Variants in GSE1 observed in about 807,000 individuals in gnomAD.
GSE1 encodes the protein genetic suppressor element 1.
GSE1 carries 32 observed loss-of-function variants against 112.6 expected under a neutral mutation model. The ratio of observed to expected loss-of-function variants is 0.28; its 90% CI spans 0.21 to 0.38. The LOEUF (loss-of-function observed/expected upper bound fraction) is 0.38, where lower values mean the gene tolerates loss of function less well. Ranked by LOEUF, GSE1 falls within the 10% of genes least tolerant of loss-of-function variation. The pLI, the probability that GSE1 is intolerant of heterozygous loss-of-function variation, is 1.00. For missense variants in GSE1, 2,348 were observed against 1,699.2 expected (o/e 1.38, Z -6.71); for synonymous variants, 1,115 against 735.6 (o/e 1.52, Z -8.35).
intron 1 of GSE1, among the ~76,000 whole-genome samples, chr16:85,233,496 G>A (rs893226769): frequency 6.6e-6 from 1 of 152,216 alleles, no homozygotes; most frequent in African/African-American, 2.4e-5. Context: ...AGCTGCATAT[G>A]CACACATGTG....
intron 1 of GSE1, among the ~76,000 whole-genome samples, chr16:85,303,317 C>T (rs1288991089): frequency 1.3e-5 from 2 of 152,220 alleles, no homozygotes; most frequent in Non-Finnish European, 2.9e-5. Flanking sequence ...GAGGTCAGGG[C>T]ACACCCTGGA....
At chr16:85,418,789 A>G (rs946747909) in intron 2 of GSE1, among the ~76,000 whole-genome samples, 2 of 152,238 alleles carry the variant, frequency 1.3e-5, no homozygotes, top group African/African-American at 4.8e-5. Context: ...GGATCCAGGC[A>G]GGACCAGGGT....
At chr16:85,238,526 G>A (rs1376128371) in intron 1 of GSE1, among the ~76,000 whole-genome samples, 1 of 152,144 alleles carries the variant, frequency 6.6e-6, no homozygotes, top group Non-Finnish European at 1.5e-5. Flanking sequence ...CTGGGAAGGG[G>A]CGTTGGAAGC....
chr16:85,420,490 C>G (rs767599407), intron 2 of GSE1, among the ~76,000 whole-genome samples: 1 of 151,990 alleles, frequency 6.6e-6, no homozygotes, highest in Middle Eastern at 3.4e-3. Flanking sequence ...GTCCCCGCTG[C>G]GGAGGACCCT....
chr16:85,576,346 G>A (rs2046227250), intron 1 of GSE1, among the ~76,000 whole-genome samples: 1 of 152,188 alleles, frequency 6.6e-6, no homozygotes, highest in African/African-American at 2.4e-5. Flanking sequence ...CAGACTCTAC[G>A]AGGAAATAGT....
At chr16:85,629,366 G>A (rs1483788229) in intron 1 of GSE1, among the ~76,000 whole-genome samples, 2 of 152,230 alleles carry the variant, frequency 1.3e-5, no homozygotes, top group Non-Finnish European at 2.9e-5. Flanking sequence ...ATTGGCATCT[G>A]CTCCCAGACC....
intron 1 of GSE1, among the ~76,000 whole-genome samples, chr16:85,262,466 C>G (rs1320707703): frequency 6.6e-6 from 1 of 152,228 alleles, no homozygotes; most frequent in Non-Finnish European, 1.5e-5. Context: ...CGTCACGGCC[C>G]TGAAGCCGCA....
intron 2 of GSE1, among the ~76,000 whole-genome samples, chr16:85,636,275 A>G (rs2151769051): frequency 6.6e-6 from 1 of 152,056 alleles, no homozygotes; most frequent in South Asian, 2.1e-4. Flanking sequence ...CCATCGGTTC[A>G]CTCACCCACC....
At chr16:85,409,340 GC>G (rs1291306886) in intron 2 of GSE1, among the ~76,000 whole-genome samples, 2 of 39,246 alleles carry the variant, frequency 5.1e-5, no homozygotes, top group Non-Finnish European at 4.9e-5. Context: ...TACACTCAGG[GC>G]CCCCCTGGAT....
intron 1 of GSE1, among the ~76,000 whole-genome samples, chr16:85,333,198 C>T (rs1041782953): frequency 6.6e-6 from 1 of 152,160 alleles, no homozygotes; most frequent in African/African-American, 2.4e-5. Flanking sequence ...GGAGGGGTGG[C>T]AGGGGAGCTT....
At chr16:85,330,929 G>C (rs1255510213) in intron 1 of GSE1, among the ~76,000 whole-genome samples, 1 of 152,060 alleles carries the variant, frequency 6.6e-6, no homozygotes, top group Non-Finnish European at 1.5e-5. Context: ...CTTAAGACAC[G>C]TGGGAGCTGT....
intron 2 of GSE1, among the ~76,000 whole-genome samples, chr16:85,646,952 T>TG (rs1484937594): frequency 6.6e-6 from 1 of 152,090 alleles, no homozygotes; most frequent in Non-Finnish European, 1.5e-5. Context: ...GGAGGACTCT[T>TG]GCAGCAGGTG....
chr16:85,591,201 C>G (rs2046989101), intron 1 of GSE1, among the ~76,000 whole-genome samples: 1 of 152,206 alleles, frequency 6.6e-6, no homozygotes, highest in Admixed American at 6.5e-5. Flanking sequence ...CAGAGAACAG[C>G]GCCTGACCCT....
At chr16:85,535,008 C>A (rs1567567957) in intron 2 of GSE1, among the ~76,000 whole-genome samples, 1 of 152,202 alleles carries the variant, frequency 6.6e-6, no homozygotes, top group Non-Finnish European at 1.5e-5. Context: ...CCTTACACAC[C>A]TGTTTCTTAG....
At chr16:85,203,863 G>A (rs186975671) in intron 1 of GSE1, among the ~76,000 whole-genome samples, 19 of 152,274 alleles carry the variant, frequency 1.2e-4, no homozygotes, top group South Asian at 4.1e-4. Context: ...TCAGCCTCCT[G>A]AGTAGCTGGG....
Position 85,435,250 on chromosome 16 carries a change from C to A in GSE1, c.2464+77607C>A, listed in dbSNP as rs372716116. Among the ~76,000 whole-genome samples the A allele has an allele frequency of 3.8e-4, 58 of 152,282 alleles. 1 individual carries two copies. In the East Asian group the frequency reaches 8.7e-3, roughly 23 times the overall value. The stretch of plus-strand genomic sequence containing the variant: ...CTTTATGGAGCAGCCTCCTGGGGGG[C>A]CTGGCCTGGGTCCTCCTTCTCCCCA... On this transcript the variant is annotated intron_variant, in intron 2 of 2. Transcript: ENST00000637419.
intron 2 of GSE1, among the ~76,000 whole-genome samples, chr16:85,444,684 GCA>G (rs2049464283): frequency 6.6e-6 from 1 of 152,068 alleles, no homozygotes. Context: ...ATGCACACGT[GCA>G]CACACGCTAT....
chr16:85,621,435 G>A (rs900923704), intron 1 of GSE1, among the ~76,000 whole-genome samples: 2 of 152,248 alleles, frequency 1.3e-5, no homozygotes, highest in African/African-American at 4.8e-5. Context: ...TCAAGCCGAT[G>A]TCCTGGCGTC....
intron 2 of GSE1, among the ~76,000 whole-genome samples, chr16:85,482,668 A>T (rs1433532980): frequency 1.3e-5 from 2 of 152,204 alleles, no homozygotes; most frequent in Non-Finnish European, 2.9e-5. Flanking sequence ...CAAATCCAGC[A>T]TCCAAGGTGT....
Sources: gnomAD v4.1 joint callset for allele counts (sites outside exome capture counted in the v4.1 genomes callset) on GRCh38, gnomAD v4.1.1 for gene constraint, MANE v1.5 for transcripts, NCBI Gene and HGNC (gene_info 2026-07-23, HGNC 2026-07-21) for gene names.